Variants in CD200R1 observed in about 807,000 individuals in gnomAD.
The protein encoded by CD200R1 is CD200 receptor 1, also known as cell surface glycoprotein CD200 receptor 1.
A neutral mutation model predicts 38.1 loss-of-function variants in CD200R1; 30 were observed. The ratio of observed to expected loss-of-function variants is 0.79; its 90% CI spans 0.59 to 1.07. CD200R1 has a LOEUF of 1.07. Among genes scored for constraint, CD200R1 ranks in the 50% least tolerant of loss-of-function variants. The pLI is 0.00. For synonymous variants in CD200R1, 128 were observed against 152.1 expected, an observed-to-expected ratio of 0.84 and a Z score of 1.16; for missense variants, 372 against 415.4, an observed-to-expected ratio of 0.90 and a Z score of 0.91.
At chr3:112,953,986 T>G (rs1319986967) in intron 1 of CD200R1, among the ~76,000 whole-genome samples, 3 of 152,270 alleles carry the variant, frequency 2.0e-5, no homozygotes, top group African/African-American at 7.2e-5. Flanking sequence ...TCTACTAATT[T>G]TGGGCTCAGT....
intron 2 of CD200R1, among the ~76,000 whole-genome samples, chr3:112,933,055 C>T (rs1284730573): frequency 1.3e-5 from 2 of 152,130 alleles, no homozygotes; most frequent in Non-Finnish European, 2.9e-5. Context: ...TGAGAAACAG[C>T]ACAGCAGGCA....
intron 5 of CD200R1, among the ~76,000 whole-genome samples, chr3:112,928,568 G>A (rs4146748): frequency 0.04 from 6,072 of 152,110 alleles, 247 homozygotes; most frequent in East Asian, 0.21. Context: ...TACTACTCAT[G>A]CTAATTAACT....
At chr3:112,942,109 A>G (rs181525167) in intron 2 of CD200R1, among the ~76,000 whole-genome samples, 1 of 151,784 alleles carries the variant, frequency 6.6e-6, no homozygotes, top group East Asian at 1.9e-4. Flanking sequence ...AGAGAGAAGT[A>G]AAATAATATC....
chr3:112,941,644 GA>G (rs1201066541), intron 2 of CD200R1, among the ~76,000 whole-genome samples: 5 of 150,996 alleles, frequency 3.3e-5, no homozygotes, highest in African/African-American at 4.8e-5. Context: ...TTAAAAAAAT[GA>G]AAAAAATAAG....
intron 1 of CD200R1, among the ~76,000 whole-genome samples, chr3:112,965,287 T>C (rs1173968756): frequency 6.6e-6 from 1 of 152,132 alleles, no homozygotes; most frequent in Non-Finnish European, 1.5e-5. Context: ...AACAAAGAAG[T>C]ACAAGTGGAA....
intron 1 of CD200R1, among the ~76,000 whole-genome samples, chr3:112,960,360 A>G (rs1932986398): frequency 1.3e-5 from 2 of 152,100 alleles, no homozygotes; most frequent in African/African-American, 4.8e-5. Context: ...CCTTCCAACA[A>G]GGAAATAAGT....
In CD200R1 at chr3:112,924,527, T is replaced by G. The variant is rs1232439378; in HGVS notation, c.887A>C (p.Lys296Thr). The G allele has an allele frequency of 1.6e-6, 2 of 1,243,182 alleles. No individual in the cohort carries two copies. The highest frequency in any genetic ancestry group is 6.9e-5 in the Admixed American group (2 of 29,180). 77.0% of individuals were successfully genotyped at this position (1,243,182 alleles called of 1,614,324 possible). A position where few individuals can be genotyped will look rare whatever the true frequency, so the allele number is the denominator to read the frequency against. Residue 296 changes from lysine to threonine, a missense_variant, in exon 7 of 8, where the codon AAA (lysine) becomes ACA (threonine). Lys to Thr is a moderately conservative substitution (Grantham distance 78). Transcript: ENST00000308611. ...TGGAGTAGATTCTGTTTTATTCAAT[T>G]TATATTTTCTATAAAAATAAAATAA... ...LLKVNGCRKY[K>T]LNKTESTPVV...
chr3:112,937,721 T>C (rs903290376), intron 2 of CD200R1, among the ~76,000 whole-genome samples: 1 of 152,208 alleles, frequency 6.6e-6, no homozygotes, highest in Non-Finnish European at 1.5e-5. Flanking sequence ...TTTCTAATTC[T>C]GTGAACAATG....
intron 2 of CD200R1, among the ~76,000 whole-genome samples, chr3:112,939,568 C>T (rs149310014): frequency 9.9e-5 from 15 of 150,938 alleles, no homozygotes; most frequent in Admixed American, 2.0e-4. Context: ...AAAATATCTA[C>T]GAATGAATTT....
chr3:112,969,645 AG>A (rs1258166452), intron 1 of CD200R1, among the ~76,000 whole-genome samples: 1 of 152,174 alleles, frequency 6.6e-6, no homozygotes, highest in Admixed American at 6.5e-5. Context: ...GGAGTTATAA[AG>A]GAACAGCCAT....
At chr3:112,945,149 A>T (rs1033102836) in intron 2 of CD200R1, among the ~76,000 whole-genome samples, 6 of 152,202 alleles carry the variant, frequency 3.9e-5, no homozygotes, top group Non-Finnish European at 8.8e-5. Context: ...AGTTTTTCCC[A>T]ACTTGATCTA....
Position 112,928,992 on chromosome 3 carries a change from G to A in CD200R1, c.593C>T (p.Ala198Val). 6.2e-7 allele frequency: 1 copy of A among 1,613,968 alleles called. No individual in the cohort carries two copies. The highest frequency in any genetic ancestry group is 1.3e-5 in the African/African-American group (1 of 75,056). Reference protein sequence around the residue: ...AVCKAVAGKPAAHISWIPEGD... With the variant: ...AVCKAVAGKPVAHISWIPEGD... ...CTCTGGGATCCAGGAGATATGCGCAGCTGGCTTCCCTGCAACTGCCTTGCA... is the reference window on the plus strand; with the variant it reads ...CTCTGGGATCCAGGAGATATGCGCAACTGGCTTCCCTGCAACTGCCTTGCA... Residue 198 changes from alanine (A) to valine (V), a missense_variant, in exon 5 of 8, where the codon GCT becomes GTT. Coordinates refer to ENST00000308611, the MANE Select transcript of CD200R1 (RefSeq NM_138806.4).
chr3:112,925,318 T>C (rs1940257750), intron 5 of CD200R1, 125 bp from the exon 6 acceptor site: 1 of 571,208 alleles, frequency 1.8e-6, no homozygotes, highest in Middle Eastern at 4.3e-4. Context: ...TTCAAATGTA[T>C]GTTACTAAGT....
At chr3:112,962,465 G>A (rs1933046659) in intron 1 of CD200R1, among the ~76,000 whole-genome samples, 1 of 152,176 alleles carries the variant, frequency 6.6e-6, no homozygotes, top group Admixed American at 6.5e-5. Context: ...AAGCTGGTCT[G>A]TAGGGGGCTA....
At chr3:112,972,257 T>C (rs986691982) in intron 1 of CD200R1, among the ~76,000 whole-genome samples, 8 of 152,198 alleles carry the variant, frequency 5.3e-5, no homozygotes, top group Non-Finnish European at 8.8e-5. Flanking sequence ...GACAAAACCC[T>C]TCTTTTGCAC....
intron 1 of CD200R1, among the ~76,000 whole-genome samples, chr3:112,961,631 T>C (rs1287965098): frequency 6.6e-6 from 1 of 151,562 alleles, no homozygotes; most frequent in African/African-American, 2.4e-5. Context: ...ATGGAAACCA[T>C]AAAGAAAAAT....
chr3:112,963,394 G>T (rs921959018), intron 1 of CD200R1, among the ~76,000 whole-genome samples: 1 of 152,154 alleles, frequency 6.6e-6, no homozygotes, highest in Non-Finnish European at 1.5e-5. Context: ...AATGGCTTTG[G>T]CCAAAATGCT....
chr3:112,945,959 G>A (rs1306799712), intron 2 of CD200R1, among the ~76,000 whole-genome samples: 1 of 150,464 alleles, frequency 6.6e-6, no homozygotes, highest in Non-Finnish European at 1.5e-5. Context: ...CGTGAACCCG[G>A]GAGGCGGAGC....
At chr3:112,973,669 AAAG>A (rs1345484239) in intron 1 of CD200R1, among the ~76,000 whole-genome samples, 8 of 152,238 alleles carry the variant, frequency 5.3e-5, no homozygotes, top group Non-Finnish European at 1.2e-4. Context: ...TAACATGTGG[AAAG>A]AAGATTTTTT....
Sources: gnomAD v4.1 joint callset for allele counts (sites outside exome capture counted in the v4.1 genomes callset) on GRCh38, gnomAD v4.1.1 for gene constraint, MANE v1.5 for transcripts, NCBI Gene and HGNC (gene_info 2026-07-23, HGNC 2026-07-21) for gene names.